Variants in DPY19L4 observed in about 807,000 individuals in gnomAD.
DPY19L4 encodes probable C-mannosyltransferase DPY19L4.
A neutral mutation model predicts 102.8 loss-of-function variants in DPY19L4; 97 were observed. The ratio of observed to expected loss-of-function variants is 0.94; its 90% CI spans 0.80 to 1.12. The LOEUF is 1.12. Among genes scored for constraint, DPY19L4 ranks in the 50% most tolerant of loss-of-function variants. The pLI is 0.00. For synonymous variants in DPY19L4, 252 were observed against 283.1 expected (o/e 0.89, Z 1.10); for missense variants, 815 against 850.4 (o/e 0.96, Z 0.52).
At chr8:94,785,434 G>A (rs7006999) in intron 17 of DPY19L4, among the ~76,000 whole-genome samples, 131,299 of 152,166 alleles carry the variant, frequency 0.86, 56,778 homozygotes, top group East Asian at 0.96. Context: ...AAGAATGATT[G>A]GAAACTTGTT....
chr8:94,746,026 T>C (rs951357385), intron 6 of DPY19L4, among the ~76,000 whole-genome samples: 20 of 151,136 alleles, frequency 1.3e-4, no homozygotes, highest in Non-Finnish European at 2.1e-4. Flanking sequence ...CATGCTGGGA[T>C]TACAGGCGTG....
Position 94,750,561 on chromosome 8 carries a change from C to CTGTG in DPY19L4, c.612-5461_612-5458dup, listed in dbSNP as rs143871399. On this transcript the variant is annotated intron_variant, in intron 6 of 18. Coordinates refer to ENST00000414645, the MANE Select transcript of DPY19L4 (RefSeq NM_181787.3). ...CCTGTTTTTGCATATATATGTGTAT[C>CTGTG]TGTGTGTGTGTGTGTGTATATATAT... 8.1e-4 allele frequency among the ~76,000 whole-genome samples: 122 copies of CTGTG among 150,684 alleles called. 1 individual carries two copies. The highest frequency in any genetic ancestry group is 2.7e-3 in the African/African-American group (113 of 41,152).
At chr8:94,775,435 G>A (rs557182801) in intron 13 of DPY19L4, among the ~76,000 whole-genome samples, 5 of 152,300 alleles carry the variant, frequency 3.3e-5, no homozygotes, top group African/African-American at 1.2e-4. Flanking sequence ...GCCTCCCAAA[G>A]TGCTGGGATT....
intron 2 of DPY19L4, among the ~76,000 whole-genome samples, chr8:94,733,094 C>T (rs899324229): frequency 4.0e-5 from 6 of 150,616 alleles, no homozygotes; most frequent in African/African-American, 1.5e-4. Flanking sequence ...AGACCTGAGC[C>T]ACCACACTTA....
intron 6 of DPY19L4, among the ~76,000 whole-genome samples, chr8:94,752,049 C>T (rs940109115): frequency 6.6e-6 from 1 of 151,934 alleles, no homozygotes; most frequent in Admixed American, 6.6e-5. Flanking sequence ...GGGACATATG[C>T]TTTCATTTCT....
intron 17 of DPY19L4, among the ~76,000 whole-genome samples, chr8:94,787,126 C>G (rs1426000182): frequency 6.6e-6 from 1 of 151,980 alleles, no homozygotes; most frequent in East Asian, 1.9e-4. Flanking sequence ...TGAATAGTGC[C>G]AAGGTTGAGA....
At position 94,737,014 on chromosome 8, in the gene DPY19L4, A is replaced by G. The variant is rs543446438; in HGVS notation, c.253-1355A>G. On this transcript the variant is annotated intron_variant, in intron 3 of 18. Transcript: ENST00000414645. The stretch of plus-strand genomic sequence containing the variant: ...GATTTACAATTCATTTTAAACCTTA[A>G]TGTTTCATTAAAATTATTGCCAGAT... Among the ~76,000 whole-genome samples the G allele has an allele frequency of 3.3e-4, 50 of 152,314 alleles. 1 individual carries two copies. In the South Asian group the frequency reaches 9.9e-3, roughly 30 times the overall value.
At chr8:94,789,556 G>T (rs565996913) in intron 18 of DPY19L4, among the ~76,000 whole-genome samples, 190 bp from the exon 19 acceptor site, 2 of 152,268 alleles carry the variant, frequency 1.3e-5, no homozygotes, top group African/African-American at 4.8e-5. Flanking sequence ...TCAATGAGAA[G>T]TTCAGGAGTA....
At chr8:94,781,251 T>G in intron 16 of DPY19L4, 85 bp downstream of exon 16, 1 of 1,178,248 alleles carries the variant, frequency 8.5e-7, no homozygotes, top group Non-Finnish European at 1.1e-6. Context: ...AAATAATAAA[T>G]TAATACTTCT....
intron 1 of DPY19L4, among the ~76,000 whole-genome samples, chr8:94,725,812 A>ATT (rs561599311): frequency 6.8e-6 from 1 of 147,526 alleles, no homozygotes. Flanking sequence ...ATTTTTTGGT[A>ATT]TTTTTTTTTT....
At chr8:94,724,180 C>A (rs1228745007) in intron 1 of DPY19L4, among the ~76,000 whole-genome samples, 3 of 152,220 alleles carry the variant, frequency 2.0e-5, no homozygotes, top group Admixed American at 2.0e-4. Flanking sequence ...ACCCACCTAC[C>A]TAGCCCATTG....
In DPY19L4 at chr8:94,720,159, C is replaced by T. The variant is rs1810394190; in HGVS notation, c.16+145C>T. 3 of 1,372,586 alleles carry T rather than the reference C, an allele frequency of 2.2e-6. No homozygotes were observed. The South Asian group carries it at 5.1e-5, about 24-fold the overall frequency. The allele number at this position is 1,372,586 out of a possible 1,614,324, so 85.0% of individuals were successfully genotyped here. On this transcript the variant is annotated intron_variant, in intron 1 of 18. Transcript: ENST00000414645. ...GGCAGGGCGGGAAGGAGCGCGGCGC[C>T]CAGGAGAGGACTGCGGAGAAATTCA...
Position 94,781,072 on chromosome 8 carries a change from TTTG to T in DPY19L4, c.1633-11_1633-9del. 3 of 1,557,738 alleles carry T rather than the reference TTTG, an allele frequency of 1.9e-6. No homozygotes were observed. The highest frequency in any genetic ancestry group is 2.1e-5 in the Admixed American group (1 of 48,382). On this transcript the variant is annotated splice_polypyrimidine_tract_variant and intron_variant, in intron 15 of 18. Coordinates refer to ENST00000414645, the MANE Select transcript of DPY19L4 (RefSeq NM_181787.3). ...CTTTTGGGGATTTTTTTTTTTTTTT[TTTG>T]CATTTTAGTTTTTTCCCAGATTAAT...
chr8:94,779,038 T>C (rs879707385), intron 14 of DPY19L4, among the ~76,000 whole-genome samples: 2 of 152,180 alleles, frequency 1.3e-5, no homozygotes, highest in Admixed American at 6.5e-5. Flanking sequence ...TTACATTTTC[T>C]ATTTGCTCAC....
chr8:94,746,388 G>A (rs556068735), intron 6 of DPY19L4, among the ~76,000 whole-genome samples: 33 of 152,182 alleles, frequency 2.2e-4, no homozygotes, highest in African/African-American at 7.5e-4. Flanking sequence ...AAAACAATAC[G>A]TTTATAATTT....
At chr8:94,763,415 A>T (rs1034612080) in intron 8 of DPY19L4, among the ~76,000 whole-genome samples, 3 of 150,880 alleles carry the variant, frequency 2.0e-5, no homozygotes, top group Non-Finnish European at 3.0e-5. Context: ...ATCACAGCTC[A>T]CTGCAACCTC....
At chr8:94,778,671 C>CT (rs1264208904) in intron 14 of DPY19L4, among the ~76,000 whole-genome samples, 1,548 of 147,764 alleles carry the variant, frequency 0.01, 17 homozygotes, top group African/African-American at 0.036. Context: ...CTTTTTCTTT[C>CT]TTTTTTTTTT....
At chr8:94,770,901 A>C (rs1224196500) in intron 13 of DPY19L4, among the ~76,000 whole-genome samples, 8 of 149,888 alleles carry the variant, frequency 5.3e-5, no homozygotes, top group Non-Finnish European at 8.9e-5. Flanking sequence ...AAAAAAAGTC[A>C]GAAAACCCAC....
rs776831131 is a variant in DPY19L4 at position 94,770,576 on chromosome 8, G to A, written c.1454+5G>A. On this transcript the variant is annotated splice_donor_5th_base_variant and intron_variant, in intron 13 of 18. Transcript: ENST00000414645. ...TCTTGCAATGGTTATAGAAGGGTAA[G>A]TGTACTTTATTTGATCCCTTTGTTT... The A allele has an allele frequency of 5.0e-6, 8 of 1,612,946 alleles. No homozygotes were observed. Among genetic ancestry groups the A allele is most frequent in the Non-Finnish European group, 6.8e-6 (8 of 1,179,554 alleles).
Sources: gnomAD v4.1 joint callset for allele counts (sites outside exome capture counted in the v4.1 genomes callset) on GRCh38, gnomAD v4.1.1 for gene constraint, MANE v1.5 for transcripts, NCBI Gene and HGNC (gene_info 2026-07-23, HGNC 2026-07-21) for gene names.